The following JOSD1 variants were observed in gnomAD, a reference collection of about 807,000 sequenced individuals.
JOSD1 encodes Josephin domain containing 1.
JOSD1 carries 11 observed loss-of-function variants against 24.3 expected under a neutral mutation model. The ratio of observed to expected loss-of-function variants is 0.45; its 90% CI spans 0.29 to 0.75. The LOEUF is 0.75. Among genes scored for constraint, JOSD1 ranks in the 30% least tolerant of loss-of-function variants. The pLI, the probability that JOSD1 is intolerant of heterozygous loss-of-function variation, is 0.11. For synonymous variants in JOSD1, 106 were observed against 93.8 expected, an observed-to-expected ratio of 1.13 and a Z score of -0.75; for missense variants, 184 against 253.5, an observed-to-expected ratio of 0.73 and a Z score of 1.86.
intron 2 of JOSD1, among the ~76,000 whole-genome samples, chr22:38,689,955 G>A: frequency 7.9e-6 from 1 of 126,204 alleles, no homozygotes; most frequent in East Asian, 2.5e-4. Flanking sequence ...TGTAGTACTT[G>A]AATAAATTTT....
chr22:38,696,439 T>C (rs1253554614), intron 2 of JOSD1, among the ~76,000 whole-genome samples: 1 of 152,092 alleles, frequency 6.6e-6, no homozygotes, highest in Non-Finnish European at 1.5e-5. Context: ...GGTTTTGCTA[T>C]ATGTTGGCCA....
At chr22:38,689,451 A>T in intron 2 of JOSD1, 27 bp from the exon 3 acceptor site, 2 of 1,613,188 alleles carry the variant, frequency 1.2e-6, no homozygotes, top group Middle Eastern at 1.7e-4. Context: ...AGGAGGGCTG[A>T]GACTTGCTGG....
In JOSD1 at chr22:38,689,483, G is replaced by A. The variant is rs758714588; in HGVS notation, c.186-59C>T. 350 of 1,600,376 alleles carry A rather than the reference G, an allele frequency of 2.2e-4. 3 individuals are homozygous for A. In the Admixed American group the frequency reaches 4.6e-3, roughly 21 times the overall value. On this transcript the variant is annotated intron_variant, in intron 2 of 4. Transcript: ENST00000683374. ...CTGGATGCCTGAACCCCCTGACCCC[G>A]CACTACCAGGGATGGAGAGCACTTT... is the stretch of plus-strand genomic sequence containing the variant.
chr22:38,700,594 G>C lies in JOSD1; in HGVS notation c.-607C>G. On this transcript the variant is annotated 5_prime_UTR_variant, in exon 2 of 5. Transcript: ENST00000683374. ...AGGGCGCGGCTCCCTCGGAAGGCGCGGATTCTAGCCCTCTGGCCGCGGCCC... is the reference window on the plus strand; with the variant it reads ...AGGGCGCGGCTCCCTCGGAAGGCGCCGATTCTAGCCCTCTGGCCGCGGCCC... The C allele has an allele frequency of 3.0e-6, 3 of 985,282 alleles. No homozygotes were observed. The highest frequency in any genetic ancestry group is 5.2e-4 in the Middle Eastern group (1 of 1,914). 61.0% of individuals were successfully genotyped at this position (985,282 alleles called of 1,614,324 possible).
upstream of JOSD1, chr22:38,700,947 T>G (rs1224333853): frequency 3.0e-6 from 3 of 984,216 alleles, no homozygotes; most frequent in Non-Finnish European, 3.6e-6. Context: ...AACTGGGCCG[T>G]GCGGGCGGGC....
At chr22:38,697,109 G>A (rs1404856233) in intron 2 of JOSD1, among the ~76,000 whole-genome samples, 1 of 152,216 alleles carries the variant, frequency 6.6e-6, no homozygotes, top group Non-Finnish European at 1.5e-5. Flanking sequence ...CAGGGGCTGA[G>A]GCCTGTTCGA....
At chr22:38,697,459 G>A (rs2092550388) in intron 2 of JOSD1, among the ~76,000 whole-genome samples, 1 of 152,202 alleles carries the variant, frequency 6.6e-6, no homozygotes, top group Non-Finnish European at 1.5e-5. Context: ...TTCCATGTGG[G>A]CATTTAGCAA....
chr22:38,700,675 G>A (rs1402129260), intron 1 of JOSD1, 57 bp from the exon 2 acceptor site: 3 of 979,280 alleles, frequency 3.1e-6, no homozygotes, highest in African/African-American at 3.5e-5. Context: ...AGTGAGCGGC[G>A]GGGCCGGCCC....
intron 3 of JOSD1, 52 bp downstream of exon 3, chr22:38,689,244 C>T: frequency 6.2e-7 from 1 of 1,612,178 alleles, no homozygotes; most frequent in Non-Finnish European, 8.5e-7. Flanking sequence ...GTACTAAAAG[C>T]TTATACCACA....
At position 38,700,158 on chromosome 22, in the gene JOSD1, T is replaced by C; in HGVS notation, c.-171A>G. ...AAGATTGGAATCAAAAGGAAAAAAATAAAACCCACCTCTTCTCTCTTCTCA... is the reference window on the plus strand; with the variant it reads ...AAGATTGGAATCAAAAGGAAAAAAACAAAACCCACCTCTTCTCTCTTCTCA... On this transcript the variant is annotated 5_prime_UTR_variant, in exon 2 of 5. Coordinates refer to ENST00000683374, the MANE Select transcript of JOSD1 (RefSeq NM_001360236.2). 2.2e-6 allele frequency: 3 copies of C among 1,333,628 alleles called. No homozygotes were observed. Among genetic ancestry groups the C allele is most frequent in the Non-Finnish European group, 2.9e-6 (3 of 1,042,600 alleles). The allele number at this position is 1,333,628 out of a possible 1,614,324, so 82.6% of individuals were successfully genotyped here. A position where few individuals can be genotyped will look rare whatever the true frequency, so the allele number is the denominator to read the frequency against.
intron 2 of JOSD1, among the ~76,000 whole-genome samples, chr22:38,698,627 G>A (rs897355968): frequency 1.3e-5 from 2 of 152,148 alleles, no homozygotes; most frequent in Admixed American, 1.3e-4. Flanking sequence ...TCTAGTCGGG[G>A]TCATCAGGCA....
At chr22:38,693,011 G>T (rs1362669560) in intron 2 of JOSD1, among the ~76,000 whole-genome samples, 3 of 151,968 alleles carry the variant, frequency 2.0e-5, no homozygotes, top group African/African-American at 7.3e-5. Context: ...GCTTCCCAAG[G>T]GTGCTCCTGG....
chr22:38,693,940 T>C (rs1403491509), intron 2 of JOSD1, among the ~76,000 whole-genome samples: 5 of 152,238 alleles, frequency 3.3e-5, no homozygotes, highest in Middle Eastern at 3.2e-3. Flanking sequence ...ATGGAAATAA[T>C]TACTATTTTA....
At chr22:38,699,449 G>A (rs1241842290) in intron 2 of JOSD1, among the ~76,000 whole-genome samples, 2 of 152,230 alleles carry the variant, frequency 1.3e-5, no homozygotes, top group African/African-American at 2.4e-5. Context: ...GTGGTCAACA[G>A]CATAGATATA....
chr22:38,694,146 C>T (rs756313675), intron 2 of JOSD1, among the ~76,000 whole-genome samples: 15 of 152,176 alleles, frequency 9.9e-5, no homozygotes, highest in Non-Finnish European at 1.8e-4. Context: ...TGGGGCCCAC[C>T]CAGCGTATTC....
chr22:38,698,603 C>T (rs1184789077), intron 2 of JOSD1, among the ~76,000 whole-genome samples: 1 of 152,154 alleles, frequency 6.6e-6, no homozygotes, highest in Non-Finnish European at 1.5e-5. Flanking sequence ...GAGGACTGCG[C>T]GGGCCTAACT....
In JOSD1 at chr22:38,686,600, G is replaced by A. The variant is rs1360861736; in HGVS notation, c.*1302C>T. 6.6e-6 allele frequency: 1 copy of A among 152,246 alleles called. No homozygotes were observed. The highest frequency in any genetic ancestry group is 1.5e-5 in the Non-Finnish European group (1 of 68,076). 9.4% of individuals were successfully genotyped at this position (152,246 alleles called of 1,614,324 possible). A position where few individuals can be genotyped will look rare whatever the true frequency, so the allele number is the denominator to read the frequency against. ...GGCGGGTTGAACTTCCATTGATACA[G>A]AGAGGAAACGACATGAAGATGACCA... On this transcript the variant is annotated 3_prime_UTR_variant, in exon 5 of 5. Transcript: ENST00000683374.
intron 2 of JOSD1, among the ~76,000 whole-genome samples, chr22:38,698,639 GATC>G (rs1433286133): frequency 6.6e-6 from 1 of 152,208 alleles, no homozygotes; most frequent in African/African-American, 2.4e-5. Context: ...CATCAGGCAA[GATC>G]ATCACCTGAG....
chr22:38,701,076 TCGGCAC>T (rs1326946788), upstream of JOSD1: 12 of 764,344 alleles, frequency 1.6e-5, no homozygotes, highest in Admixed American at 6.3e-5. Context: ...TCTGACGTCA[TCGGCAC>T]CGGCCTGGGA....
Sources: allele counts gnomAD v4.1 joint callset (sites outside exome capture counted in the v4.1 genomes callset), GRCh38; gene constraint gnomAD v4.1.1; transcripts MANE v1.5; gene names NCBI Gene and HGNC (gene_info 2026-07-23, HGNC 2026-07-21).